Variants in DOCK5 observed in about 807,000 individuals in gnomAD.
DOCK5 encodes dedicator of cytokinesis 5, also known as dedicator of cytokinesis protein 5.
Under a neutral mutation model 251.8 loss-of-function variants are expected in DOCK5, and 142 were observed. That is an observed-to-expected ratio of 0.56 (90% CI 0.49 to 0.65). The LOEUF (loss-of-function observed/expected upper bound fraction) is 0.65. DOCK5 is among the 30% of genes least tolerant of loss of function. DOCK5 has a pLI of 0.00. For synonymous variants in DOCK5, 842 were observed against 835.5 expected (o/e 1.01, Z -0.13); for missense variants, 2,111 against 2,312.3 (o/e 0.91, Z 1.79).
chr8:25,244,093 G>A (rs539571561), intron 2 of DOCK5, among the ~76,000 whole-genome samples: 1 of 152,342 alleles, frequency 6.6e-6, no homozygotes, highest in African/African-American at 2.4e-5. Flanking sequence ...GTAGCTCAAA[G>A]GAAGCACTGC....
At chr8:25,375,821 G>A in intron 37 of DOCK5, 1 of 985,020 alleles carries the variant, frequency 1.0e-6, no homozygotes. Context: ...TAATGGACTG[G>A]GCCTGGTGGC....
Position 25,399,922 on chromosome 8 carries a change from A to G in DOCK5, c.4716A>G (p.Thr1572=). The G allele has an allele frequency of 6.2e-7, 1 of 1,612,894 alleles. No individual in the cohort carries two copies. Among genetic ancestry groups the G allele is most frequent in the Non-Finnish European group, 8.5e-7 (1 of 1,179,428 alleles). ...GFSNYEKAFF[T]EKYLQEHPED... ...ATGCTTTTTTTTAGGCTTTTTTTAC[A>G]GAAAAGTACTTGCAGGAGCATCCTG... Residue 1572 remains threonine, a synonymous_variant, in exon 46 of 52, where the codon ACA becomes ACG. Coordinates refer to ENST00000276440, the MANE Select transcript of DOCK5 (RefSeq NM_024940.8).
intron 41 of DOCK5, 90 bp downstream of exon 41, chr8:25,389,322 T>G: frequency 6.8e-7 from 1 of 1,477,184 alleles, no homozygotes. Flanking sequence ...TACAGTCCCT[T>G]CTCTGCAGAC....
chr8:25,191,848 G>A (rs1050363901), intron 1 of DOCK5, among the ~76,000 whole-genome samples: 10 of 151,778 alleles, frequency 6.6e-5, no homozygotes, highest in Non-Finnish European at 8.8e-5. Context: ...GTATACATGT[G>A]CCATTGTGTG....
intron 5 of DOCK5, among the ~76,000 whole-genome samples, chr8:25,289,483 A>G (rs1224126781): frequency 6.6e-6 from 1 of 151,728 alleles, no homozygotes; most frequent in African/African-American, 2.4e-5. Flanking sequence ...AGATAAGAAG[A>G]ATGTTTTCTT....
intron 27 of DOCK5, 123 bp from the exon 28 acceptor site, chr8:25,358,840 A>AT (rs1800624560): frequency 1.3e-6 from 1 of 783,180 alleles, no homozygotes; most frequent in Non-Finnish European, 2.2e-6. Flanking sequence ...GCGTGTTTCC[A>AT]GTGTGGTGGG....
chr8:25,277,293 A>C (rs926273548), intron 4 of DOCK5: 19 of 153,236 alleles, frequency 1.2e-4, no homozygotes, highest in African/African-American at 4.1e-4. Context: ...GTTACAGGAC[A>C]GTTATCTCCC....
rs1158672689 is a variant in DOCK5, at chr8:25,308,777, C to A, written c.1050-6C>A. The A allele has an allele frequency of 1.9e-6, 3 of 1,613,240 alleles. No individual in the cohort carries two copies. In the South Asian group the frequency reaches 3.3e-5, roughly 18 times the overall value. ...CCCACCTTACCTCTTATTTCTCTTTCCCAAGAATTGCGATGGAAACCTACA... is the reference window on the plus strand; with the variant it reads ...CCCACCTTACCTCTTATTTCTCTTTACCAAGAATTGCGATGGAAACCTACA... On this transcript the variant is annotated splice_polypyrimidine_tract_variant and splice_region_variant and intron_variant, in intron 11 of 51. Coordinates refer to ENST00000276440, the MANE Select transcript of DOCK5 (RefSeq NM_024940.8).
At chr8:25,253,624 C>A (rs943985265) in intron 2 of DOCK5, among the ~76,000 whole-genome samples, 3 of 152,042 alleles carry the variant, frequency 2.0e-5, no homozygotes, top group African/African-American at 7.2e-5. Context: ...TGATTGAGGG[C>A]AAATGATCAT....
intron 28 of DOCK5, 73 bp from the exon 29 acceptor site, chr8:25,362,974 C>T: frequency 8.8e-7 from 1 of 1,135,754 alleles, no homozygotes; most frequent in Admixed American, 1.7e-5. Context: ...TGTGGTTCTG[C>T]TTGTATACAC....
At chr8:25,246,670 T>G (rs184181253) in intron 2 of DOCK5, among the ~76,000 whole-genome samples, 3 of 149,828 alleles carry the variant, frequency 2.0e-5, no homozygotes, top group Admixed American at 6.7e-5. Flanking sequence ...CTCTTTCAGA[T>G]TTTGACCTGG....
intron 13 of DOCK5, 102 bp from the exon 14 acceptor site, chr8:25,316,905 C>G: frequency 6.9e-7 from 1 of 1,443,290 alleles, no homozygotes; most frequent in Non-Finnish European, 9.4e-7. Flanking sequence ...CAGTATAAAA[C>G]CAGACCATTT....
At chr8:25,328,804 T>C (rs1805620679) in intron 18 of DOCK5, among the ~76,000 whole-genome samples, 1 of 152,196 alleles carries the variant, frequency 6.6e-6, no homozygotes, top group Non-Finnish European at 1.5e-5. Flanking sequence ...AAGAGAGGAA[T>C]GTGCAGGTCC....
chr8:25,196,265 T>C (rs1801723392), intron 1 of DOCK5, among the ~76,000 whole-genome samples: 1 of 152,184 alleles, frequency 6.6e-6, no homozygotes, highest in Non-Finnish European at 1.5e-5. Context: ...TGCTTGACCA[T>C]GTGGTGTACA....
Position 25,184,947 on chromosome 8 carries a change from G to T in DOCK5, c.39G>T (p.Gly13=). 7.0e-7 allele frequency: 1 copy of T among 1,435,910 alleles called. No homozygotes were observed. The highest frequency in any genetic ancestry group is 2.8e-5 in the East Asian group (1 of 36,002). 88.9% of individuals were successfully genotyped at this position (1,435,910 alleles called of 1,614,324 possible). ...TCCCGACCAAGAGGCAGAAGTACGG[G>T]GTTGGTGAGTGCGCGCCCCACCTTG... ...RWIPTKRQKY[G]VAIYNYNASQ... Residue 13 remains glycine (G), a synonymous_variant, in exon 1 of 52, where the codon GGG becomes GGT. Coordinates refer to ENST00000276440, the MANE Select transcript of DOCK5 (RefSeq NM_024940.8).
At chr8:25,267,537 G>A (rs1017590349) in intron 2 of DOCK5, among the ~76,000 whole-genome samples, 1 of 152,168 alleles carries the variant, frequency 6.6e-6, no homozygotes, top group African/African-American at 2.4e-5. Context: ...GATCCTATTG[G>A]CAGATGCCAG....
At chr8:25,330,769 A>C (rs533055253) in intron 18 of DOCK5, among the ~76,000 whole-genome samples, 10 of 152,292 alleles carry the variant, frequency 6.6e-5, no homozygotes, top group African/African-American at 2.2e-4. Flanking sequence ...TTGATTGAAA[A>C]ATATCAGCCG....
At position 25,239,327 on chromosome 8, in the gene DOCK5, G is replaced by GTGTGTGTGTGTA. The variant is rs1394600314; in HGVS notation, c.44-4336_44-4335insATGTGTGTGTGT. Reference sequence around the variant, plus strand: ...TTGGTGTGTGCGTGTATATGTGTGTGTGTGTGTGTGTGTATGTGTGTGTGT... The same window carrying GTGTGTGTGTGTA: ...TTGGTGTGTGCGTGTATATGTGTGTGTGTGTGTGTGTATGTGTGTGTGTGTATGTGTGTGTGT... On this transcript the variant is annotated intron_variant, in intron 1 of 51. Coordinates refer to ENST00000276440, the MANE Select transcript of DOCK5 (RefSeq NM_024940.8). 3.4e-3 allele frequency among the ~76,000 whole-genome samples: 453 copies of GTGTGTGTGTGTA among 131,928 alleles called. 3 individuals carry two copies. The highest frequency in any genetic ancestry group is 0.013 in the African/African-American group (431 of 33,988). The allele number at this position is 131,928 out of a possible 152,430, so 86.5% of individuals were successfully genotyped here. A position where few individuals can be genotyped will look rare whatever the true frequency, so the allele number is the denominator to read the frequency against.
intron 29 of DOCK5, among the ~76,000 whole-genome samples, chr8:25,363,350 C>T (rs1023296080): frequency 4.6e-5 from 7 of 152,198 alleles, no homozygotes; most frequent in Admixed American, 3.3e-4. Flanking sequence ...TCTCTACTCC[C>T]TTCTCTAGCG....
Sources: gnomAD v4.1 joint callset for allele counts (sites outside exome capture counted in the v4.1 genomes callset) on GRCh38, gnomAD v4.1.1 for gene constraint, MANE v1.5 for transcripts, NCBI Gene and HGNC (gene_info 2026-07-23, HGNC 2026-07-21) for gene names.